Variants in SPOP observed in about 807,000 individuals in gnomAD.
SPOP encodes speckle-type POZ protein.
Under a neutral mutation model 45.6 loss-of-function variants are expected in SPOP, and 11 were observed. The ratio of observed to expected loss-of-function variants is 0.24; its 90% CI spans 0.15 to 0.40. The LOEUF is 0.40. SPOP is among the 10% of genes least tolerant of loss of function. The probability of loss-of-function intolerance (pLI) is 1.00; values close to 1 mark genes in which losing one functional copy is unlikely to be tolerated. For synonymous variants in SPOP, 166 were observed against 166.3 expected, an observed-to-expected ratio of 1.00 and a Z score of 0.01; for missense variants, 152 against 465.6, an observed-to-expected ratio of 0.33 and a Z score of 6.20.
intron 1 of SPOP, among the ~76,000 whole-genome samples, chr17:49,641,482 C>T (rs913445549): frequency 1.3e-5 from 2 of 149,902 alleles, no homozygotes; most frequent in Non-Finnish European, 3.0e-5. Flanking sequence ...TGGAAGGCTA[C>T]AAATACTTAT....
intron 8 of SPOP, among the ~76,000 whole-genome samples, chr17:49,603,062 C>T (rs2071769044): frequency 6.6e-6 from 1 of 152,192 alleles, no homozygotes; most frequent in Non-Finnish European, 1.5e-5. Context: ...GGCCCCAGAA[C>T]TCAATGACAC....
intron 1 of SPOP, among the ~76,000 whole-genome samples, chr17:49,645,339 A>C (rs2072736096): frequency 6.6e-6 from 1 of 151,506 alleles, no homozygotes; most frequent in African/African-American, 2.4e-5. Flanking sequence ...TCCTTCTGTC[A>C]CCCAGGCTGG....
intron 1 of SPOP, among the ~76,000 whole-genome samples, chr17:49,662,354 A>G (rs2072999728): frequency 1.3e-5 from 2 of 152,208 alleles, no homozygotes; most frequent in African/African-American, 4.8e-5. Context: ...TATCTGGCTG[A>G]AAATCCAAAC....
intron 1 of SPOP, among the ~76,000 whole-genome samples, chr17:49,674,445 A>T (rs553957755): frequency 3.2e-4 from 49 of 152,300 alleles, no homozygotes; most frequent in African/African-American, 1.1e-3. Context: ...GGTAGACTAC[A>T]TGTGTCCAGA....
At chr17:49,629,156 C>T (rs2072400528) in intron 1 of SPOP, among the ~76,000 whole-genome samples, 1 of 152,016 alleles carries the variant, frequency 6.6e-6, no homozygotes, top group Admixed American at 6.5e-5. Context: ...GCAGGAGAAT[C>T]GCTTGAACCT....
At chr17:49,660,249 T>C (rs1423750728) in intron 1 of SPOP, among the ~76,000 whole-genome samples, 4 of 152,360 alleles carry the variant, frequency 2.6e-5, no homozygotes, top group Admixed American at 1.3e-4. Flanking sequence ...TCCTTGAGTA[T>C]GGCAGGCACA....
At chr17:49,677,780 A>G (rs1210645465) in intron 1 of SPOP, among the ~76,000 whole-genome samples, 153 bp downstream of exon 1, 1 of 138,272 alleles carries the variant, frequency 7.2e-6, no homozygotes, top group African/African-American at 2.7e-5. Flanking sequence ...TTCGCAGGCC[A>G]CGTAATCCGG....
At chr17:49,620,058 T>A (rs1246321296) in intron 3 of SPOP, among the ~76,000 whole-genome samples, 1 of 151,842 alleles carries the variant, frequency 6.6e-6, no homozygotes, top group East Asian at 1.9e-4. Flanking sequence ...TAATCCCAGC[T>A]ACTCAGGAGG....
At chr17:49,614,338 T>C (rs1256610113) in intron 5 of SPOP, among the ~76,000 whole-genome samples, 1 of 152,238 alleles carries the variant, frequency 6.6e-6, no homozygotes, top group Non-Finnish European at 1.5e-5. Context: ...TATAGTTATA[T>C]AAATTTTAGA....
intron 5 of SPOP, among the ~76,000 whole-genome samples, chr17:49,614,776 C>CA (rs1001464761): frequency 6.7e-6 from 1 of 149,822 alleles, no homozygotes; most frequent in Admixed American, 6.7e-5. Context: ...TAAAATTTAG[C>CA]AAAAATACCT....
intron 1 of SPOP, among the ~76,000 whole-genome samples, chr17:49,653,544 A>G (rs1338329007): frequency 1.3e-5 from 2 of 152,174 alleles, no homozygotes; most frequent in South Asian, 2.1e-4. Context: ...GTAGCAAACA[A>G]GTATATCTAA....
intron 1 of SPOP, among the ~76,000 whole-genome samples, chr17:49,636,546 T>C (rs1456808130): frequency 6.6e-6 from 1 of 152,234 alleles, no homozygotes; most frequent in Non-Finnish European, 1.5e-5. Context: ...TATTTAACAC[T>C]GTAATAATTC....
chr17:49,654,786 A>C (rs1789596984), intron 1 of SPOP, among the ~76,000 whole-genome samples: 1 of 152,210 alleles, frequency 6.6e-6, no homozygotes, highest in Admixed American at 6.5e-5. Context: ...CTCTGTCTCA[A>C]AAAAGTAAAT....
At chr17:49,602,045 T>C (rs2071749605) in intron 8 of SPOP, 38 bp from the exon 9 acceptor site, 3 of 1,611,162 alleles carry the variant, frequency 1.9e-6, no homozygotes, top group South Asian at 2.2e-5. Flanking sequence ...AGAGCAGCAA[T>C]AGTTCTGGGC....
intron 1 of SPOP, among the ~76,000 whole-genome samples, chr17:49,657,555 C>G (rs1251363099): frequency 6.6e-6 from 1 of 151,780 alleles, no homozygotes; most frequent in Non-Finnish European, 1.5e-5. Flanking sequence ...CCCGCCACCA[C>G]GCCCAGCTAA....
intron 1 of SPOP, among the ~76,000 whole-genome samples, chr17:49,627,575 C>G (rs57771815): frequency 1.5e-4 from 23 of 152,182 alleles, no homozygotes; most frequent in African/African-American, 5.3e-4. Context: ...CCTAAAATAC[C>G]AATTTGAACT....
intron 1 of SPOP, among the ~76,000 whole-genome samples, chr17:49,628,515 G>A (rs1647928160): frequency 6.6e-6 from 1 of 151,556 alleles, no homozygotes; most frequent in Non-Finnish European, 1.5e-5. Context: ...AAACTTTGGA[G>A]GACAGACAGA....
chr17:49,635,995 CTGTT>C (rs1318914921), intron 1 of SPOP, among the ~76,000 whole-genome samples: 2 of 151,660 alleles, frequency 1.3e-5, no homozygotes, highest in African/African-American at 2.4e-5. Flanking sequence ...TATGTTTTTT[CTGTT>C]TGTTTTTGTT....
At chr17:49,632,733 C>T (rs2072475469) in intron 1 of SPOP, among the ~76,000 whole-genome samples, 1 of 152,076 alleles carries the variant, frequency 6.6e-6, no homozygotes, top group Non-Finnish European at 1.5e-5. Flanking sequence ...CCCACCTTGG[C>T]CTCCCAAATT....
Sources: gnomAD v4.1 joint callset for allele counts (sites outside exome capture counted in the v4.1 genomes callset) on GRCh38, gnomAD v4.1.1 for gene constraint, MANE v1.5 for transcripts, NCBI Gene and HGNC (gene_info 2026-07-23, HGNC 2026-07-21) for gene names.